KIAA1217: variants seen among roughly 807,000 people sequenced by gnomAD.
KIAA1217 encodes KIAA1217.
KIAA1217 carries 88 observed loss-of-function variants against 163.9 expected under a neutral mutation model. The observed-to-expected ratio is 0.54, with a 90% CI of 0.45 to 0.64. The LOEUF (loss-of-function observed/expected upper bound fraction) is 0.64. KIAA1217 is among the 30% of genes least tolerant of loss of function. The pLI is 0.00. For synonymous variants in KIAA1217, 903 were observed against 923.1 expected, an observed-to-expected ratio of 0.98 and a Z score of 0.39; for missense variants, 2,372 against 2,475.0, an observed-to-expected ratio of 0.96 and a Z score of 0.88.
chr10:23,749,578 T>C (rs1839623388), intron 1 of KIAA1217, among the ~76,000 whole-genome samples: 1 of 152,204 alleles, frequency 6.6e-6, no homozygotes, highest in Admixed American at 6.5e-5. Flanking sequence ...CAGCTGATTT[T>C]TGTATTTTTA....
intron 1 of KIAA1217, among the ~76,000 whole-genome samples, chr10:23,733,447 A>G (rs889687689): frequency 7.2e-5 from 11 of 152,226 alleles, no homozygotes; most frequent in African/African-American, 2.7e-4. Context: ...CAAAATTTGT[A>G]GATGCTGGAG....
chr10:24,381,759 C>T (rs2053337410), intron 3 of KIAA1217, among the ~76,000 whole-genome samples: 1 of 152,186 alleles, frequency 6.6e-6, no homozygotes, highest in Admixed American at 6.5e-5. Context: ...CCTCTCCAGT[C>T]CCAGAGGCCA....
At chr10:24,380,424 A>G (rs2053136223) in intron 2 of KIAA1217, among the ~76,000 whole-genome samples, 1 of 152,064 alleles carries the variant, frequency 6.6e-6, no homozygotes, top group Admixed American at 6.6e-5. Flanking sequence ...TCAGGAGTTC[A>G]AGAGTACTCA....
chr10:23,916,941 C>T (rs1313987946), intron 1 of KIAA1217, among the ~76,000 whole-genome samples: 4 of 135,530 alleles, frequency 3.0e-5, no homozygotes, highest in Admixed American at 8.2e-5. Context: ...CATTGCACTC[C>T]AGCTTGGTGA....
intron 2 of KIAA1217, among the ~76,000 whole-genome samples, chr10:24,073,337 G>A (rs79145833): frequency 0.019 from 2,851 of 152,148 alleles, 93 homozygotes; most frequent in African/African-American, 0.066. Flanking sequence ...CAGAGCTGTG[G>A]AAGAGGAGGT....
chr10:23,983,921 C>T (rs1238999331), intron 1 of KIAA1217, among the ~76,000 whole-genome samples: 1 of 152,110 alleles, frequency 6.6e-6, no homozygotes, highest in Non-Finnish European at 1.5e-5. Context: ...ATGCCCAATG[C>T]CCACACACCC....
intron 1 of KIAA1217, among the ~76,000 whole-genome samples, chr10:23,929,665 G>T (rs569281396): frequency 3.3e-5 from 5 of 152,142 alleles, no homozygotes; most frequent in African/African-American, 4.8e-5. Context: ...TTGTGGCTGC[G>T]TAGTATCCAT....
chr10:24,383,262 G>A (rs2053557284), intron 3 of KIAA1217, among the ~76,000 whole-genome samples: 1 of 152,202 alleles, frequency 6.6e-6, no homozygotes, highest in Non-Finnish European at 1.5e-5. Flanking sequence ...CCTCAGCTCT[G>A]CAAACCAAAA....
chr10:24,274,316 C>G (rs2077055109), intron 2 of KIAA1217, among the ~76,000 whole-genome samples: 1 of 151,948 alleles, frequency 6.6e-6, no homozygotes, highest in South Asian at 2.1e-4. Context: ...TCCCAAGTAA[C>G]TAGAACTACT....
chr10:24,069,874 C>G (rs571756316), intron 2 of KIAA1217, among the ~76,000 whole-genome samples: 24 of 152,152 alleles, frequency 1.6e-4, no homozygotes, highest in African/African-American at 5.8e-4. Flanking sequence ...GAGTCTCATT[C>G]TGTTTCCCAG....
In KIAA1217 at chr10:24,380,962, G is replaced by T; in HGVS notation, c.448G>T (p.Ala150Ser). 1 of 1,609,066 alleles carries T rather than the reference G, an allele frequency of 6.2e-7. No individual in the cohort carries two copies. The highest frequency in any genetic ancestry group is 1.3e-5 in the African/African-American group (1 of 74,880). The change falls in exon 3 of 21, where the codon GCC becomes TCC. Residue 150 changes from alanine (A) to serine (S), a missense_variant. Physicochemically the swap from Ala to Ser is moderately conservative, Grantham distance 99. Coordinates refer to ENST00000376454, the MANE Select transcript of KIAA1217 (RefSeq NM_019590.5). ...LSETSADSLEAMSEGDAPTPF... is the reference protein window; with the variant it reads ...LSETSADSLESMSEGDAPTPF... ...AGAGACGTCCGCTGATTCTTTGGAA[G>T]CCATGTCTGAGGGGGATGCTCCAAC...
chr10:24,064,846 A>C (rs1443961266), intron 2 of KIAA1217, among the ~76,000 whole-genome samples: 1 of 152,186 alleles, frequency 6.6e-6, no homozygotes, highest in Non-Finnish European at 1.5e-5. Context: ...TCAGAGATTC[A>C]ACTTCTTCCT....
intron 1 of KIAA1217, among the ~76,000 whole-genome samples, chr10:23,724,315 C>G (rs1450870531): frequency 1.3e-5 from 2 of 152,100 alleles, no homozygotes; most frequent in Non-Finnish European, 2.9e-5. Context: ...TGTGCTTTCT[C>G]TTTCCAAAAT....
intron 1 of KIAA1217, among the ~76,000 whole-genome samples, chr10:23,754,442 C>T (rs567490189): frequency 2.0e-5 from 3 of 152,308 alleles, no homozygotes; most frequent in Admixed American, 6.5e-5. Flanking sequence ...GTTTTACAGG[C>T]TCTGCCCAGG....
At chr10:24,500,184 A>AGTGTGTGTGT (rs57872451) in intron 8 of KIAA1217, among the ~76,000 whole-genome samples, 4,104 of 143,202 alleles carry the variant, frequency 0.029, 88 homozygotes, top group Middle Eastern at 0.039. Flanking sequence ...ACTGAACAGA[A>AGTGTGTGTGT]GTGTGTGTGT....
intron 2 of KIAA1217, among the ~76,000 whole-genome samples, chr10:24,296,231 A>G (rs191722346): frequency 7.9e-5 from 12 of 152,236 alleles, no homozygotes; most frequent in African/African-American, 2.6e-4. Context: ...AGCCTCCTGA[A>G]TAGTTGGCCT....
intron 1 of KIAA1217, among the ~76,000 whole-genome samples, chr10:23,705,308 T>C (rs1184299969): frequency 2.0e-5 from 3 of 152,150 alleles, no homozygotes; most frequent in Non-Finnish European, 4.4e-5. Flanking sequence ...GTTTTTTTTC[T>C]TTTGTTGCTT....
At chr10:24,353,528 T>C (rs1383599102) in intron 2 of KIAA1217, among the ~76,000 whole-genome samples, 1 of 152,148 alleles carries the variant, frequency 6.6e-6, no homozygotes, top group Non-Finnish European at 1.5e-5. Flanking sequence ...GCCCCGCTGA[T>C]CACTCATGAA....
chr10:24,496,381 A>C (rs149255242), intron 8 of KIAA1217, among the ~76,000 whole-genome samples: 44 of 152,376 alleles, frequency 2.9e-4, no homozygotes, highest in African/African-American at 9.6e-4. Context: ...GGAGATACTT[A>C]ATTCATTCAT....
Sources: gnomAD v4.1 joint callset for allele counts (sites outside exome capture counted in the v4.1 genomes callset) on GRCh38, gnomAD v4.1.1 for gene constraint, MANE v1.5 for transcripts, NCBI Gene and HGNC (gene_info 2026-07-23, HGNC 2026-07-21) for gene names.